Variants in SAMD12 observed in about 807,000 individuals in gnomAD.
The protein encoded by SAMD12 is sterile alpha motif domain-containing protein 12.
A neutral mutation model predicts 15.0 loss-of-function variants in SAMD12; 9 were observed. That is an observed-to-expected ratio of 0.60 (90% CI 0.36 to 1.05). The LOEUF is 1.05. SAMD12 is among the 50% of genes least tolerant of loss of function. The pLI, the probability that SAMD12 is intolerant of heterozygous loss-of-function variation, is 0.01. For missense variants in SAMD12, 230 were observed against 234.2 expected (o/e 0.98, Z 0.12); for synonymous variants, 86 against 90.1 (o/e 0.96, Z 0.25).
chr8:118,134,766 A>T, the SAMD12 span, among the ~76,000 whole-genome samples: 1 of 152,192 alleles, frequency 6.6e-6, no homozygotes. Context: ...TTTAATCTTC[A>T]TTAGTCTTCC....
Position 118,621,940 on chromosome 8 carries a change from T to A in SAMD12, c.-124A>T, listed in dbSNP as rs1563616763. The A allele has an allele frequency of 1.7e-6, 2 of 1,206,120 alleles. No individual in the cohort carries two copies. The highest frequency in any genetic ancestry group is 1.2e-6 in the Non-Finnish European group (1 of 811,598). The allele number at this position is 1,206,120 out of a possible 1,614,324, so 74.7% of individuals were successfully genotyped here. Reference sequence around the variant, plus strand: ...GCGCTTATCTGCTCCAGGACCAACCTGCCGCGGTCACGCAAAGCGAGGCAG... The same window carrying A: ...GCGCTTATCTGCTCCAGGACCAACCAGCCGCGGTCACGCAAAGCGAGGCAG... On this transcript the variant is annotated 5_prime_UTR_variant, in exon 1 of 4. Transcript: ENST00000314727.
chr8:118,246,093 A>C (rs1164414219), intron 4 of SAMD12, among the ~76,000 whole-genome samples: 1 of 152,124 alleles, frequency 6.6e-6, no homozygotes, highest in African/African-American at 2.4e-5. Flanking sequence ...CTATGTGGGT[A>C]TCAAACACTG....
At chr8:118,580,654 G>A (rs534293058) in intron 2 of SAMD12, 61 bp downstream of exon 2, 18 of 1,218,398 alleles carry the variant, frequency 1.5e-5, no homozygotes, top group Non-Finnish European at 2.0e-5. Context: ...TCTGTAGCTG[G>A]ACTACAACAT....
At chr8:118,423,789 GATA>G (rs1053272495) in intron 3 of SAMD12, among the ~76,000 whole-genome samples, 4 of 152,068 alleles carry the variant, frequency 2.6e-5, no homozygotes, top group Non-Finnish European at 4.4e-5. Flanking sequence ...TTTGTCAAAT[GATA>G]ATAATATTAA....
chr8:118,379,413 A>C lies in SAMD12; in HGVS notation c.*4T>G. On this transcript the variant is annotated 3_prime_UTR_variant, in exon 4 of 4. Coordinates refer to ENST00000314727, the MANE Select transcript of SAMD12 (RefSeq NM_207506.3). ...ATGAAAAAAGTTTTCAAAGGGAAGT[A>C]ATCTTAAATCTGTATACTATTTTCT... is the stretch of plus-strand genomic sequence containing the variant. The C allele has an allele frequency of 6.2e-7, 1 of 1,610,664 alleles. No individual in the cohort carries two copies. Among genetic ancestry groups the C allele is most frequent in the Non-Finnish European group, 8.5e-7 (1 of 1,177,886 alleles).
chr8:118,554,035 A>G (rs1563580908), intron 2 of SAMD12, among the ~76,000 whole-genome samples: 1 of 152,120 alleles, frequency 6.6e-6, no homozygotes, highest in Non-Finnish European at 1.5e-5. Context: ...AGGAAACAAC[A>G]GGTGCTGGAG....
intron 2 of SAMD12, among the ~76,000 whole-genome samples, chr8:118,487,663 C>T (rs1824327860): frequency 6.6e-6 from 1 of 152,170 alleles, no homozygotes; most frequent in Admixed American, 6.5e-5. Flanking sequence ...GTTCCAGTTT[C>T]CCAAATGACC....
intron 4 of SAMD12, among the ~76,000 whole-genome samples, chr8:118,363,366 A>G (rs7016132): frequency 0.71 from 108,300 of 152,064 alleles, 39,764 homozygotes; most frequent in African/African-American, 0.86. Context: ...TCCCCATGTC[A>G]ATGGTCTTCA....
intron 4 of SAMD12, among the ~76,000 whole-genome samples, chr8:118,355,671 A>G (rs1171371822): frequency 6.6e-6 from 1 of 152,204 alleles, no homozygotes; most frequent in Non-Finnish European, 1.5e-5. Flanking sequence ...CATCCTCTTT[A>G]TGTACACAGA....
the SAMD12 span, among the ~76,000 whole-genome samples, chr8:118,160,741 CAT>C: frequency 6.6e-6 from 1 of 152,106 alleles, no homozygotes; most frequent in Non-Finnish European, 1.5e-5. Flanking sequence ...ATAAAAGAAA[CAT>C]AAGAGAAAAA....
the SAMD12 span, among the ~76,000 whole-genome samples, chr8:118,132,974 A>ATG: frequency 3.4e-4 from 3 of 8,738 alleles, no homozygotes; most frequent in African/African-American, 7.0e-4. Context: ...GTGTGTGTGT[A>ATG]TATATATATA....
the SAMD12 span, among the ~76,000 whole-genome samples, chr8:118,161,248 G>C: frequency 0.014 from 2,162 of 152,266 alleles, 67 homozygotes; most frequent in African/African-American, 0.05. Context: ...CCAAAAGCAT[G>C]ATATATAAAA....
At chr8:118,444,612 T>A (rs1450941862) in intron 2 of SAMD12, among the ~76,000 whole-genome samples, 1 of 152,132 alleles carries the variant, frequency 6.6e-6, no homozygotes, top group Non-Finnish European at 1.5e-5. Flanking sequence ...TTACAGTAAT[T>A]CTGATTTGTA....
At chr8:118,214,099 C>T (rs1451952042) in intron 4 of SAMD12, among the ~76,000 whole-genome samples, 3 of 152,180 alleles carry the variant, frequency 2.0e-5, no homozygotes, top group African/African-American at 7.2e-5. Context: ...TTGGTGGTCC[C>T]AAGAAATAAT....
At chr8:118,487,945 A>T (rs1372225476) in intron 2 of SAMD12, among the ~76,000 whole-genome samples, 1 of 152,200 alleles carries the variant, frequency 6.6e-6, no homozygotes, top group Non-Finnish European at 1.5e-5. Flanking sequence ...AATTAATATA[A>T]TCCATTGTTA....
intron 2 of SAMD12, among the ~76,000 whole-genome samples, chr8:118,442,682 A>G (rs1009047231): frequency 2.0e-5 from 3 of 152,160 alleles, no homozygotes; most frequent in African/African-American, 7.2e-5. Flanking sequence ...AGCACCTCTG[A>G]ATCTAGTTCT....
rs1294610038 is a variant in SAMD12 at position 118,383,896 on chromosome 8, CCATT to C, written c.323-4200_323-4197del. Among the ~76,000 whole-genome samples the C allele has an allele frequency of 5.3e-5, 8 of 152,144 alleles. No homozygotes were observed. The South Asian group carries it at 1.0e-3, about 20-fold the overall frequency. On this transcript the variant is annotated intron_variant, in intron 3 of 3. Transcript: ENST00000314727. ...GTGTCTTCTGCCTGCATGGAGCTCA[CCATT>C]CAGTGTGGGAGAAAGGTGACACACA...
intron 4 of SAMD12, among the ~76,000 whole-genome samples, chr8:118,244,873 A>C (rs1812651224): frequency 6.6e-6 from 1 of 152,168 alleles, no homozygotes; most frequent in Non-Finnish European, 1.5e-5. Context: ...ACCAGACACT[A>C]GCCCTGTGTA....
At chr8:118,481,261 C>T (rs186981494) in intron 2 of SAMD12, among the ~76,000 whole-genome samples, 762 of 152,242 alleles carry the variant, frequency 5.0e-3, no homozygotes, top group Non-Finnish European at 8.7e-3. Context: ...AGCCATTCTA[C>T]AGCAATTTCT....
Sources: gnomAD v4.1 joint callset for allele counts (sites outside exome capture counted in the v4.1 genomes callset) on GRCh38, gnomAD v4.1.1 for gene constraint, MANE v1.5 for transcripts, NCBI Gene and HGNC (gene_info 2026-07-23, HGNC 2026-07-21) for gene names.